PVT1: variants seen among roughly 807,000 people sequenced by gnomAD.
PVT1 encodes CXCR4/PVT1 fusion.
intron 6 of PVT1, among the ~76,000 whole-genome samples, chr8:128,097,464 G>A (rs75675701): frequency 0.029 from 4,447 of 152,188 alleles, 203 homozygotes; most frequent in African/African-American, 0.1. Context: ...GTCACTAAAG[G>A]GTTGAAGAAT....
intron 3 of PVT1, among the ~76,000 whole-genome samples, chr8:127,988,649 G>T (rs1455965475): frequency 2.6e-5 from 4 of 152,228 alleles, no homozygotes; most frequent in African/African-American, 7.2e-5. Context: ...AGATGACAGT[G>T]TTGGGCTCAG....
chr8:127,959,455 C>T (rs982989307), intron 3 of PVT1, among the ~76,000 whole-genome samples: 9 of 151,924 alleles, frequency 5.9e-5, no homozygotes, highest in Admixed American at 2.0e-4. Flanking sequence ...CGTGGTGGCA[C>T]GTGCCTATAG....
At chr8:127,900,172 G>T (rs1274734197) in intron 3 of PVT1, among the ~76,000 whole-genome samples, 2 of 152,046 alleles carry the variant, frequency 1.3e-5, no homozygotes, top group Non-Finnish European at 2.9e-5. Context: ...CTCCTGAGTA[G>T]CTGGGACTGC....
intron 4 of PVT1, among the ~76,000 whole-genome samples, chr8:128,011,753 G>A (rs1403246488): frequency 6.6e-6 from 1 of 152,174 alleles, no homozygotes; most frequent in Non-Finnish European, 1.5e-5. Flanking sequence ...ATTAGTGAAA[G>A]GCTGAGAAGA....
chr8:127,997,553 C>A (rs1817121624), intron 4 of PVT1, among the ~76,000 whole-genome samples: 1 of 152,142 alleles, frequency 6.6e-6, no homozygotes, highest in Non-Finnish European at 1.5e-5. Flanking sequence ...TGATTTTTTA[C>A]CTGTAGCCCC....
intron 4 of PVT1, among the ~76,000 whole-genome samples, chr8:128,026,968 C>A (rs78735785): frequency 6.6e-6 from 1 of 152,284 alleles, no homozygotes; most frequent in East Asian, 1.9e-4. Flanking sequence ...CACCTCCCAG[C>A]CCCTCTCTTT....
At chr8:127,976,161 C>A (rs1202114813) in intron 3 of PVT1, among the ~76,000 whole-genome samples, 2 of 152,180 alleles carry the variant, frequency 1.3e-5, no homozygotes, top group African/African-American at 2.4e-5. Flanking sequence ...TTTCAACTTG[C>A]AGTTGCAGAA....
intron 3 of PVT1, chr8:127,948,184 G>T (rs994689570): frequency 1.4e-5 from 5 of 348,902 alleles, no homozygotes; most frequent in Non-Finnish European, 2.8e-5. Context: ...AGTATTGTGC[G>T]GTGGCTGTGG....
At chr8:128,044,180 C>T (rs1292924858) in intron 4 of PVT1, among the ~76,000 whole-genome samples, 1 of 150,446 alleles carries the variant, frequency 6.6e-6, no homozygotes, top group Non-Finnish European at 1.5e-5. Context: ...CCTTTCTTGG[C>T]CACTCTATGC....
At chr8:128,079,563 TATC>T (rs1017024993) in intron 5 of PVT1, among the ~76,000 whole-genome samples, 2 of 152,182 alleles carry the variant, frequency 1.3e-5, no homozygotes, top group Admixed American at 1.3e-4. Flanking sequence ...ACCATTATAA[TATC>T]ATACAAAATA....
At chr8:128,074,909 C>T (rs1814064832) in intron 5 of PVT1, among the ~76,000 whole-genome samples, 1 of 152,206 alleles carries the variant, frequency 6.6e-6, no homozygotes, top group Non-Finnish European at 1.5e-5. Flanking sequence ...CATTTCTAGT[C>T]TAGTGGAGTA....
At chr8:127,844,461 C>G (rs1217116756) in intron 2 of PVT1, among the ~76,000 whole-genome samples, 1 of 152,136 alleles carries the variant, frequency 6.6e-6, no homozygotes, top group East Asian at 1.9e-4. Context: ...CAGCTTGTCT[C>G]CACCCATTCC....
At chr8:127,987,463 G>C (rs1816982683) in intron 3 of PVT1, among the ~76,000 whole-genome samples, 1 of 152,234 alleles carries the variant, frequency 6.6e-6, no homozygotes, top group African/African-American at 2.4e-5. Context: ...GATAGAAAGA[G>C]GGGAGGCCTT....
intron 4 of PVT1, among the ~76,000 whole-genome samples, chr8:128,045,056 C>A (rs1033690155): frequency 5.9e-5 from 9 of 152,194 alleles, no homozygotes; most frequent in African/African-American, 2.2e-4. Context: ...GGAGTCTTAT[C>A]CCCTCTTGTC....
At chr8:127,822,045 G>A (rs1290088852) in intron 2 of PVT1, among the ~76,000 whole-genome samples, 1 of 152,176 alleles carries the variant, frequency 6.6e-6, no homozygotes, top group African/African-American at 2.4e-5. Flanking sequence ...AACTCTCAGA[G>A]CTTCAGTTGT....
chr8:127,817,539 A>ATATATG (rs1814679424), intron 2 of PVT1, among the ~76,000 whole-genome samples: 2 of 93,486 alleles, frequency 2.1e-5, no homozygotes. Flanking sequence ...ATATATATAT[A>ATATATG]TATATATACA....
At chr8:127,958,390 C>T (rs1273327724) in intron 3 of PVT1, among the ~76,000 whole-genome samples, 3 of 152,118 alleles carry the variant, frequency 2.0e-5, no homozygotes, top group African/African-American at 7.2e-5. Flanking sequence ...CAGGTGCACA[C>T]CGCCATGCCC....
intron 2 of PVT1, among the ~76,000 whole-genome samples, chr8:127,817,024 G>A (rs1250687647): frequency 8.2e-6 from 1 of 122,378 alleles, no homozygotes; most frequent in African/African-American, 3.2e-5. Context: ...ACCCCCTCCC[G>A]ATACAAACAG....
intron 2 of PVT1, among the ~76,000 whole-genome samples, chr8:127,809,029 C>CAAAAAAAAAAAAA (rs1158760672): frequency 6.1e-3 from 170 of 27,990 alleles, no homozygotes; most frequent in Non-Finnish European, 7.6e-3. Context: ...GATTCCATCT[C>CAAAAAAAAAAAAA]AAAAAAAAAA....
Sources: allele counts gnomAD v4.1 joint callset (sites outside exome capture counted in the v4.1 genomes callset), GRCh38; gene constraint gnomAD v4.1.1; transcripts MANE v1.5; gene names NCBI Gene and HGNC (gene_info 2026-07-23, HGNC 2026-07-21).